NDUFA9: variants seen among roughly 807,000 people sequenced by gnomAD.
NDUFA9 encodes NADH dehydrogenase [ubiquinone] 1 alpha subcomplex subunit 9, mitochondrial.
Under a neutral mutation model 45.9 loss-of-function variants are expected in NDUFA9, and 23 were observed. The observed-to-expected ratio is 0.50, with a 90% CI of 0.36 to 0.71. The LOEUF is 0.71. Among genes scored for constraint, NDUFA9 ranks in the 30% least tolerant of loss-of-function variants. The pLI is 0.00. For missense variants in NDUFA9, 466 were observed against 488.2 expected, an observed-to-expected ratio of 0.95 and a Z score of 0.43; for synonymous variants, 176 against 170.5, an observed-to-expected ratio of 1.03 and a Z score of -0.25.
rs555528146 is a variant in NDUFA9, at chr12:4,687,202, A to C, written c.*94A>C. 8.6e-7 allele frequency: 1 copy of C among 1,158,452 alleles called. No homozygotes were observed. The highest frequency in any genetic ancestry group is 2.9e-5 in the Admixed American group (1 of 34,560). 71.8% of individuals were successfully genotyped at this position (1,158,452 alleles called of 1,614,324 possible). On this transcript the variant is annotated 3_prime_UTR_variant, in exon 11 of 11. Transcript: ENST00000266544. The stretch of plus-strand genomic sequence containing the variant: ...GCGGTCTCTTTAGAGGATCCTGTAC[A>C]CAGTTCCACTATTAAAACATTTCAG...
intron 3 of NDUFA9, among the ~76,000 whole-genome samples, chr12:4,656,840 CTGTT>C (rs1172020722): frequency 1.2e-4 from 18 of 152,228 alleles, no homozygotes; most frequent in Admixed American, 1.1e-3. Flanking sequence ...GCATTCCTGT[CTGTT>C]TGACTCCAAA....
At chr12:4,677,829 A>G (rs1279097652) in intron 8 of NDUFA9, among the ~76,000 whole-genome samples, 1 of 152,356 alleles carries the variant, frequency 6.6e-6, no homozygotes, top group East Asian at 1.9e-4. Flanking sequence ...GTATAAAGCC[A>G]CATGCACACG....
chr12:4,658,432 CT>C (rs4147699), intron 4 of NDUFA9, among the ~76,000 whole-genome samples: 37,557 of 152,042 alleles, frequency 0.25, 4,823 homozygotes, highest in Middle Eastern at 0.39. Context: ...TTTATCCCCC[CT>C]AATGATTAAC....
At position 4,663,258 on chromosome 12, in the gene NDUFA9, CCT is replaced by C. The variant is rs555858608; in HGVS notation, c.655+624_655+625del. Among the ~76,000 whole-genome samples, 14 of 151,946 alleles carry C rather than the reference CCT, an allele frequency of 9.2e-5. No homozygotes were observed. The South Asian group carries it at 2.7e-3, about 29-fold the overall frequency. On this transcript the variant is annotated intron_variant, in intron 6 of 10. Coordinates refer to ENST00000266544, the MANE Select transcript of NDUFA9 (RefSeq NM_005002.5). ...TAGATGTTTCTATCTTGTTTTTCCCCCTGTTGCTTGTGTCCACCTAACATCTG... is the reference window on the plus strand; with the variant it reads ...TAGATGTTTCTATCTTGTTTTTCCCCGTTGCTTGTGTCCACCTAACATCTG...
chr12:4,693,572 C>T lies in NDUFA9; in HGVS notation c.*6464C>T, dbSNP rs1195481854. The T allele has an allele frequency of 6.6e-6, 1 of 152,214 alleles. No homozygotes were observed. The highest frequency in any genetic ancestry group is 2.4e-5 in the African/African-American group (1 of 41,444). 9.4% of individuals were successfully genotyped at this position (152,214 alleles called of 1,614,324 possible). On this transcript the variant is annotated 3_prime_UTR_variant, in exon 11 of 11. Coordinates refer to ENST00000266544, the MANE Select transcript of NDUFA9 (RefSeq NM_005002.5). Reference sequence around the variant, plus strand: ...CTTTGCTGACAGATGTCTGGGCCTTCTTGACAGCAGGTGTTTAAAGCTGAA... The same window carrying T: ...CTTTGCTGACAGATGTCTGGGCCTTTTTGACAGCAGGTGTTTAAAGCTGAA...
intron 1 of NDUFA9, among the ~76,000 whole-genome samples, chr12:4,653,068 G>A (rs77726946): frequency 1.6e-4 from 24 of 152,242 alleles, no homozygotes; most frequent in African/African-American, 5.1e-4. Flanking sequence ...GCAGAAGTGC[G>A]TTAGCACTTT....
intron 8 of NDUFA9, among the ~76,000 whole-genome samples, chr12:4,675,549 A>G (rs2137480375): frequency 6.6e-6 from 1 of 152,370 alleles, no homozygotes; most frequent in South Asian, 2.1e-4. Context: ...CCAGTAAACT[A>G]GAAAATCTAG....
chr12:4,652,996 G>A (rs541408547), intron 1 of NDUFA9, among the ~76,000 whole-genome samples: 207 of 152,370 alleles, frequency 1.4e-3, no homozygotes, highest in African/African-American at 4.6e-3. Context: ...TCCTGTTTGT[G>A]TCTTTCACCT....
At chr12:4,657,048 T>A (rs1945794619) in intron 3 of NDUFA9, 1 of 152,292 alleles carries the variant, frequency 6.6e-6, no homozygotes, top group South Asian at 2.1e-4. Flanking sequence ...CTTCTTGCTC[T>A]GTCTCCTTCC....
At chr12:4,678,310 T>A (rs1308187643) in intron 8 of NDUFA9, among the ~76,000 whole-genome samples, 1 of 151,510 alleles carries the variant, frequency 6.6e-6, no homozygotes, top group Non-Finnish European at 1.5e-5. Context: ...TTGGTAAAAA[T>A]GTAAAAAAAT....
chr12:4,685,371 G>T, intron 10 of NDUFA9, 46 bp downstream of exon 10: 7 of 1,548,876 alleles, frequency 4.5e-6, no homozygotes, highest in Non-Finnish European at 5.3e-6. Context: ...ATGATGAGGC[G>T]TTAGACTTAT....
intron 1 of NDUFA9, among the ~76,000 whole-genome samples, chr12:4,654,051 A>T (rs1377242178): frequency 1.3e-5 from 2 of 152,160 alleles, no homozygotes; most frequent in Non-Finnish European, 2.9e-5. Context: ...TATGTTTTTT[A>T]AAAAATGTGA....
chr12:4,654,736 C>A, intron 2 of NDUFA9, 89 bp from the exon 3 acceptor site: 1 of 1,121,508 alleles, frequency 8.9e-7, no homozygotes, highest in Non-Finnish European at 1.3e-6. Flanking sequence ...ACATACCATA[C>A]TAGAATTTAA....
At chr12:4,663,777 A>G (rs1218052731) in intron 6 of NDUFA9, among the ~76,000 whole-genome samples, 5 of 152,220 alleles carry the variant, frequency 3.3e-5, no homozygotes. Context: ...TGCTGTAGCA[A>G]ATACCTAAAA....
intron 6 of NDUFA9, among the ~76,000 whole-genome samples, chr12:4,665,743 T>C (rs1429158675): frequency 9.6e-6 from 1 of 103,692 alleles, no homozygotes; most frequent in Non-Finnish European, 2.0e-5. Context: ...TTTGTTATTT[T>C]CTGTTTTTTT....
At chr12:4,682,342 G>C (rs377506829) in intron 9 of NDUFA9, 42 bp downstream of exon 9, 70 of 1,428,152 alleles carry the variant, frequency 4.9e-5, no homozygotes, top group Non-Finnish European at 6.2e-5. Flanking sequence ...GAAAAAGCCA[G>C]CTCCACACAC....
At chr12:4,653,796 T>C (rs1350197013) in intron 1 of NDUFA9, 2 of 333,574 alleles carry the variant, frequency 6.0e-6, no homozygotes, top group Admixed American at 9.6e-5. Flanking sequence ...CAGTTTCAGA[T>C]TCTGTTCCAG....
In NDUFA9 at chr12:4,685,269, A is replaced by C. The variant is rs773744095; in HGVS notation, c.907A>C (p.Arg303=). 2.2e-5 allele frequency: 36 copies of C among 1,613,772 alleles called. No homozygotes were observed. The highest frequency in any genetic ancestry group is 2.9e-5 in the Non-Finnish European group (34 of 1,179,742). ...TATTTCTCTTTCCAGATGGGTAGCA[A>C]GAGTCTTTGAAATAAGCCCATTTGA... ...LPLFAYRWVA[R]VFEISPFEPW... The change falls in exon 10 of 11, where the codon AGA becomes CGA. Residue 303 remains arginine, a synonymous_variant. Transcript: ENST00000266544.
At chr12:4,677,600 A>G (rs1337647769) in intron 8 of NDUFA9, among the ~76,000 whole-genome samples, 4 of 152,238 alleles carry the variant, frequency 2.6e-5, no homozygotes, top group African/African-American at 9.6e-5. Context: ...GTGAGATACC[A>G]TCTCATGCCA....
Sources: gnomAD v4.1 joint callset for allele counts (sites outside exome capture counted in the v4.1 genomes callset) on GRCh38, gnomAD v4.1.1 for gene constraint, MANE v1.5 for transcripts, NCBI Gene and HGNC (gene_info 2026-07-23, HGNC 2026-07-21) for gene names.